Variants in SEMA3A observed in about 807,000 individuals in gnomAD.
SEMA3A encodes semaphorin-3A.
Under a neutral mutation model 97.9 loss-of-function variants are expected in SEMA3A, and 29 were observed. The observed-to-expected ratio is 0.30, with a 90% CI of 0.22 to 0.40. The LOEUF is 0.40. SEMA3A is among the 10% of genes least tolerant of loss of function. SEMA3A has a pLI of 1.00. For synonymous variants in SEMA3A, 321 were observed against 323.7 expected (o/e 0.99, Z 0.09); for missense variants, 763 against 951.3 (o/e 0.80, Z 2.60).
chr7:84,328,844 A>C (rs564080264), intron 2 of SEMA3A, among the ~76,000 whole-genome samples: 4 of 152,178 alleles, frequency 2.6e-5, no homozygotes, highest in African/African-American at 9.6e-5. Context: ...GATGAAAAGA[A>C]ATGCAATAAT....
chr7:84,047,946 A>C (rs1792422005), intron 5 of SEMA3A, among the ~76,000 whole-genome samples: 1 of 152,024 alleles, frequency 6.6e-6, no homozygotes, highest in Admixed American at 6.6e-5. Flanking sequence ...TTGACTATGG[A>C]GACCCTCCAG....
chr7:84,323,320 G>A (rs1801696788), intron 2 of SEMA3A, among the ~76,000 whole-genome samples: 1 of 152,094 alleles, frequency 6.6e-6, no homozygotes, highest in Non-Finnish European at 1.5e-5. Context: ...CTGTGGTAGG[G>A]TTGCTAAAGT....
chr7:84,014,284 A>G lies in SEMA3A; in HGVS notation c.735T>C (p.Phe245=). The G allele has an allele frequency of 6.2e-7, 1 of 1,613,438 alleles. No homozygotes were observed. The highest frequency in any genetic ancestry group is 1.1e-5 in the South Asian group (1 of 91,072). Reference sequence around the variant, plus strand: ...CATCTATTGCATTTTCACGGAAGAAAAAGTATACTTTGTCATCTTCAGGAT... The same window carrying G: ...CATCTATTGCATTTTCACGGAAGAAGAAGTATACTTTGTCATCTTCAGGAT... ...SDNPEDDKVY[F]FFRENAIDGE... is the part of the protein sequence containing the mutation. Residue 245 remains phenylalanine, a synonymous_variant, in exon 7 of 17, where the codon TTT becomes TTC. Transcript: ENST00000265362.
chr7:84,152,571 T>G, intron 1 of SEMA3A, among the ~76,000 whole-genome samples: 1 of 130,540 alleles, frequency 7.7e-6, no homozygotes, highest in African/African-American at 2.9e-5. Flanking sequence ...AGGGATAGCA[T>G]TGGGAGATAT....
chr7:84,114,560 T>C (rs1311531200), intron 3 of SEMA3A, among the ~76,000 whole-genome samples: 2 of 151,474 alleles, frequency 1.3e-5, no homozygotes, highest in African/African-American at 4.8e-5. Context: ...TCATGATGGG[T>C]GGATACATTT....
intron 16 of SEMA3A, 96 bp from the exon 17 acceptor site, chr7:83,961,922 G>A: frequency 1.1e-6 from 1 of 885,112 alleles, no homozygotes. Flanking sequence ...ATTATGTGTT[G>A]AGGCACATTT....
intron 1 of SEMA3A, among the ~76,000 whole-genome samples, chr7:84,376,545 A>C (rs1803105144): frequency 7.9e-6 from 1 of 127,040 alleles, no homozygotes; most frequent in African/African-American, 3.0e-5. Flanking sequence ...CGGAGCTTGC[A>C]GTGAGCCGAG....
chr7:83,963,452 A>G, intron 15 of SEMA3A, 105 bp from the exon 16 acceptor site: 1 of 1,240,120 alleles, frequency 8.1e-7, no homozygotes, highest in Non-Finnish European at 1.1e-6. Flanking sequence ...GCCAAGTTGG[A>G]AGTTGTTTCA....
At chr7:84,409,115 T>C (rs1272874460) in intron 1 of SEMA3A, among the ~76,000 whole-genome samples, 1 of 150,288 alleles carries the variant, frequency 6.7e-6, no homozygotes, top group South Asian at 2.1e-4. Context: ...AAGGATAGGT[T>C]CTATTGTTTG....
chr7:84,458,233 G>T (rs954239405), intron 1 of SEMA3A, among the ~76,000 whole-genome samples: 4 of 151,988 alleles, frequency 2.6e-5, no homozygotes, highest in Non-Finnish European at 1.5e-5. Flanking sequence ...TATATCAAGG[G>T]AGTGAGTTTC....
intron 3 of SEMA3A, among the ~76,000 whole-genome samples, chr7:84,243,858 C>T (rs924218787): frequency 6.6e-6 from 1 of 151,962 alleles, no homozygotes; most frequent in Non-Finnish European, 1.5e-5. Flanking sequence ...CTTTATTTAC[C>T]CAGTAGCCAT....
chr7:84,107,719 T>C (rs538650324), intron 4 of SEMA3A, among the ~76,000 whole-genome samples: 1 of 152,272 alleles, frequency 6.6e-6, no homozygotes, highest in African/African-American at 2.4e-5. Context: ...GAGTAGTTGA[T>C]GAGTGGAAGA....
chr7:84,025,937 C>CT (rs1791528938), intron 6 of SEMA3A, among the ~76,000 whole-genome samples: 1 of 152,206 alleles, frequency 6.6e-6, no homozygotes, highest in Non-Finnish European at 1.5e-5. Context: ...CAATATGTCT[C>CT]TAAGTTGCAT....
chr7:84,257,421 T>C (rs1444619455), intron 3 of SEMA3A, among the ~76,000 whole-genome samples: 1 of 152,164 alleles, frequency 6.6e-6, no homozygotes, highest in Non-Finnish European at 1.5e-5. Flanking sequence ...GGGACCATAA[T>C]ACATTATTAA....
At position 84,391,105 on chromosome 7, in the gene SEMA3A, G is replaced by C. The variant is rs17159017; in HGVS notation, c.-245-19205C>G. Among the ~76,000 whole-genome samples the C allele has an allele frequency of 0.013, 2,044 of 152,220 alleles. 94 individuals are homozygous for C. The East Asian group carries it at 0.16, about 12-fold the overall frequency. On this transcript the variant is annotated intron_variant, in intron 1 of 3. Transcript: ENST00000424555. ...TTGCGAAGTTGAAGCTTGTATAAATGCTGGCATGGAAACATCAGCCTTATT... is the reference window on the plus strand; with the variant it reads ...TTGCGAAGTTGAAGCTTGTATAAATCCTGGCATGGAAACATCAGCCTTATT...
chr7:84,064,550 G>A (rs1196218349), intron 4 of SEMA3A, among the ~76,000 whole-genome samples: 15 of 151,792 alleles, frequency 9.9e-5, no homozygotes, highest in Admixed American at 2.0e-4. Flanking sequence ...ACACACATAG[G>A]CTCAAAATAA....
chr7:84,378,582 T>G (rs1803169957), intron 1 of SEMA3A, among the ~76,000 whole-genome samples: 1 of 151,996 alleles, frequency 6.6e-6, no homozygotes, highest in African/African-American at 2.4e-5. Flanking sequence ...AGGGGACGGA[T>G]AGCATTAGGA....
intron 2 of SEMA3A, among the ~76,000 whole-genome samples, chr7:84,362,060 A>G (rs1275260217): frequency 6.6e-6 from 1 of 152,000 alleles, no homozygotes; most frequent in African/African-American, 2.4e-5. Context: ...TGGTTAAGAA[A>G]GAGAGGTCTG....
At chr7:84,275,540 C>T in intron 3 of SEMA3A, among the ~76,000 whole-genome samples, 1 of 151,888 alleles carries the variant, frequency 6.6e-6, no homozygotes, top group Admixed American at 6.6e-5. Flanking sequence ...GATATGTACA[C>T]ATAGTCACCT....
Sources: allele counts gnomAD v4.1 joint callset (sites outside exome capture counted in the v4.1 genomes callset), GRCh38; gene constraint gnomAD v4.1.1; transcripts MANE v1.5; gene names NCBI Gene and HGNC (gene_info 2026-07-23, HGNC 2026-07-21).